ACOT9: variants seen among roughly 807,000 people sequenced by gnomAD.
The protein encoded by ACOT9 is acyl-coenzyme A thioesterase 9, mitochondrial.
A neutral mutation model predicts 39.7 loss-of-function variants in ACOT9; 34 were observed. The ratio of observed to expected loss-of-function variants is 0.86; its 90% confidence interval spans 0.65 to 1.14. The LOEUF (loss-of-function observed/expected upper bound fraction) is 1.14, where lower values mean the gene tolerates loss of function less well. Among genes scored for constraint, ACOT9 ranks in the 50% most tolerant of loss-of-function variants. The pLI is 0.00. For missense variants in ACOT9, 313 were observed against 344.1 expected (o/e 0.91, Z 0.71); for synonymous variants, 110 against 120.5 (o/e 0.91, Z 0.57).
At chrX:23,737,521 C>G (rs778735261) in intron 1 of ACOT9, among the ~76,000 whole-genome samples, 23 of 112,146 alleles carry the variant, frequency 2.1e-4, no homozygotes, top group African/African-American at 7.4e-4. Context: ...TCAGAGAAAG[C>G]CTCTCAGTAT....
chrX:23,739,954 C>T (rs1930076084), intron 1 of ACOT9, among the ~76,000 whole-genome samples: 1 of 111,340 alleles, frequency 9.0e-6, no homozygotes, highest in South Asian at 3.7e-4. Flanking sequence ...CATTGCTTTG[C>T]ATGCTGCCTT....
At chrX:23,716,626 A>C (rs1481666429) in intron 8 of ACOT9, among the ~76,000 whole-genome samples, 1 of 112,051 alleles carries the variant, frequency 8.9e-6, no homozygotes, top group Non-Finnish European at 1.9e-5. Context: ...CAAAGGGAAT[A>C]TAGTTGGAAA....
chrX:23,730,903 A>G lies in ACOT9; in HGVS notation c.275T>C (p.Met92Thr). ...KSQDGLPPRR[M>T]KDSYIEVLLP... ...GAGAACTTCAATATAACTGTCCTTC[A>G]TTCTCCTAGGAGGCAGTCCATCCTG... Residue 92 changes from methionine (M) to threonine (T), a missense_variant, in exon 5 of 16, where the codon ATG becomes ACG. Coordinates refer to ENST00000379303, the MANE Select transcript of ACOT9 (RefSeq NM_001037171.2). 4.1e-6 allele frequency: 5 copies of G among 1,210,482 alleles called. No individual in the cohort carries two copies. Among genetic ancestry groups the G allele is most frequent in the Non-Finnish European group, 5.6e-6 (5 of 894,191 alleles).
At chrX:23,738,301 T>C (rs181557857) in intron 1 of ACOT9, among the ~76,000 whole-genome samples, 5 of 110,345 alleles carry the variant, frequency 4.5e-5, no homozygotes, top group Admixed American at 9.7e-5. Context: ...TAAGTATTCC[T>C]TCATTCTTCC....
chrX:23,735,189 C>T (rs1166977431), intron 2 of ACOT9, among the ~76,000 whole-genome samples: 5 of 85,456 alleles, frequency 5.9e-5, no homozygotes, highest in Admixed American at 3.3e-4. Context: ...TGCAGTGAGC[C>T]GAGATCCTGC....
intron 1 of ACOT9, among the ~76,000 whole-genome samples, chrX:23,742,491 A>G (rs1048536911): frequency 1.8e-5 from 2 of 110,707 alleles, no homozygotes; most frequent in African/African-American, 6.6e-5. Context: ...TAACTGTGCC[A>G]GCTGGGAAGA....
chrX:23,703,856 T>C lies in ACOT9; in HGVS notation c.*38A>G, dbSNP rs755193322. 3 of 1,110,850 alleles carry C rather than the reference T, an allele frequency of 2.7e-6. No individual in the cohort carries two copies. In the South Asian group the frequency reaches 5.6e-5, roughly 21 times the overall value. The allele number at this position is 1,110,850 out of a possible 1,213,427, so 91.5% of individuals were successfully genotyped here. A position where few individuals can be genotyped will look rare whatever the true frequency, so the allele number is the denominator to read the frequency against. The stretch of plus-strand genomic sequence containing the variant: ...AGGTCTTCATCAGATACCACGTCAC[T>C]GTGGGTAGAGTGCTAGTTTTCAACA... On this transcript the variant is annotated 3_prime_UTR_variant, in exon 16 of 16. Coordinates refer to ENST00000379303, the MANE Select transcript of ACOT9 (RefSeq NM_001037171.2).
chrX:23,735,037 C>T (rs1929891305), intron 2 of ACOT9, among the ~76,000 whole-genome samples: 1 of 97,597 alleles, frequency 1.0e-5, no homozygotes, highest in Non-Finnish European at 2.0e-5. Flanking sequence ...CTTTGGGAGG[C>T]CAAGACAGGC....
intron 8 of ACOT9, among the ~76,000 whole-genome samples, chrX:23,717,221 C>T (rs1929114412): frequency 9.1e-6 from 1 of 109,799 alleles, no homozygotes; most frequent in Non-Finnish European, 1.9e-5. Flanking sequence ...AACTCCTGAG[C>T]TCAGGAGATC....
intron 8 of ACOT9, among the ~76,000 whole-genome samples, chrX:23,715,359 C>T (rs756930022): frequency 2.4e-4 from 27 of 111,677 alleles, no homozygotes; most frequent in African/African-American, 8.8e-4. Context: ...TCATTCTTCA[C>T]GACATTCCTC....
intron 8 of ACOT9, among the ~76,000 whole-genome samples, chrX:23,716,160 G>C (rs2146827263): frequency 8.9e-6 from 1 of 111,819 alleles, no homozygotes; most frequent in South Asian, 3.7e-4. Context: ...GGAAAGGATT[G>C]AGCATGAAGT....
At chrX:23,711,901 G>C (rs1289516048) in intron 9 of ACOT9, among the ~76,000 whole-genome samples, 1 of 110,581 alleles carries the variant, frequency 9.0e-6, no homozygotes, top group Non-Finnish European at 1.9e-5. Context: ...CTAATACAAG[G>C]CTTTAGATCT....
chrX:23,701,810 A>G lies in ACOT9; in HGVS notation c.*2084T>C, dbSNP rs1222906553. Among the ~76,000 whole-genome samples, 1 of 111,085 alleles carries G rather than the reference A, an allele frequency of 9.0e-6. No homozygotes were observed. The highest frequency in any genetic ancestry group is 3.3e-5 in the African/African-American group (1 of 30,630). ...TTCCACCGGCCGGGTGCAGTGGCTC[A>G]TGCCTATAATCCCAGCACTTTGGGA... On this transcript the variant is annotated 3_prime_UTR_variant, in exon 16 of 16. Coordinates refer to ENST00000379303, the MANE Select transcript of ACOT9 (RefSeq NM_001037171.2).
Position 23,705,586 on chromosome X carries a change from G to A in ACOT9, c.942C>T (p.Asn314=), listed in dbSNP as rs1308424077. The change falls in exon 13 of 16, where the codon AAC becomes AAT. Residue 314 remains asparagine (N), a synonymous_variant. Coordinates refer to ENST00000379303, the MANE Select transcript of ACOT9 (RefSeq NM_001037171.2). ...AACCACCAAAGATCCGATTGAAAAT[G>A]TTCCGCTCCTACAGGACATAAATAA... The part of the protein sequence containing the change: ...SLEICHPQER[N]IFNRIFGGFL... The A allele has an allele frequency of 1.7e-5, 20 of 1,206,998 alleles. No individual in the cohort carries two copies. Among genetic ancestry groups the A allele is most frequent in the Non-Finnish European group, 2.2e-5 (20 of 892,956 alleles).
At chrX:23,718,559 G>C (rs776430126) in intron 8 of ACOT9, among the ~76,000 whole-genome samples, 1 of 112,297 alleles carries the variant, frequency 8.9e-6, no homozygotes, top group South Asian at 3.7e-4. Context: ...GGAATCTGCT[G>C]TGCATGGCAC....
rs183352411 is a variant in ACOT9, at chrX:23,710,336, G to A, written c.663-2392C>T. Among the ~76,000 whole-genome samples, 26 of 111,835 alleles carry A rather than the reference G, an allele frequency of 2.3e-4. No homozygotes were observed. The East Asian group carries it at 5.9e-3, about 25-fold the overall frequency. The stretch of plus-strand genomic sequence containing the variant: ...CCAGTTCCCACTAAAAGGAACCCCA[G>A]GACTACTTGGAGAAATGGCTGACTC... On this transcript the variant is annotated intron_variant, in intron 9 of 15. Coordinates refer to ENST00000379303, the MANE Select transcript of ACOT9 (RefSeq NM_001037171.2).
In ACOT9 at chrX:23,706,682, C is replaced by A. The variant is rs746934885; in HGVS notation, c.788G>T (p.Ser263Ile). ...ATGTATGGTGGTCCTCTCCTCAGCG[C>A]TGGGGGCCATTTTCAGTAACGACGT... ...SSTSLLKMAPSAEERTTIHEM... is the reference protein window; with the variant it reads ...SSTSLLKMAPIAEERTTIHEM... Residue 263 changes from serine (S) to isoleucine (I), a missense_variant, in exon 11 of 16, where the codon AGC (serine) becomes ATC (isoleucine). Coordinates refer to ENST00000379303, the MANE Select transcript of ACOT9 (RefSeq NM_001037171.2). The A allele has an allele frequency of 8.3e-7, 1 of 1,207,521 alleles. No homozygotes were observed. Among genetic ancestry groups the A allele is most frequent in the Admixed American group, 2.2e-5 (1 of 45,161 alleles).
chrX:23,706,665 T>C lies in ACOT9; in HGVS notation c.805A>G (p.Thr269Ala), dbSNP rs1928699666. The change falls in exon 11 of 16, where the codon ACC becomes GCC. Residue 269 changes from threonine (T) to alanine (A), a missense_variant. Thr to Ala is a moderately conservative substitution (Grantham distance 58, BLOSUM62 0). Transcript: ENST00000379303. ...GTGCTGAGAAACATCTCATGTATGG[T>C]GGTCCTCTCCTCAGCGCTGGGGGCC... ...KMAPSAEERT[T>A]IHEMFLSTLD... is the part of the protein sequence containing the mutation. 1.7e-6 allele frequency: 2 copies of C among 1,201,577 alleles called. No homozygotes were observed. The highest frequency in any genetic ancestry group is 3.6e-5 in the African/African-American group (2 of 56,028).
intron 3 of ACOT9, 62 bp downstream of exon 3, chrX:23,734,279 A>G (rs1187904989): frequency 6.8e-6 from 7 of 1,031,575 alleles, no homozygotes; most frequent in Non-Finnish European, 8.0e-6. Flanking sequence ...GTGCAAGCGT[A>G]TATTAGTGCT....
Sources: allele counts gnomAD v4.1 joint callset (sites outside exome capture counted in the v4.1 genomes callset), GRCh38; gene constraint gnomAD v4.1.1; transcripts MANE v1.5; gene names NCBI Gene and HGNC (gene_info 2026-07-23, HGNC 2026-07-21).